The following PMF1 variants were observed in gnomAD, a reference collection of about 807,000 sequenced individuals.
PMF1 encodes the protein polyamine modulated factor 1, also known as polyamine-modulated factor 1.
In PMF1, 21 loss-of-function variants were observed where a neutral mutation model predicts 26.7. The observed-to-expected ratio is 0.79, with a 90% CI of 0.56 to 1.13. PMF1 has a LOEUF of 1.13. PMF1 is among the 50% of genes most tolerant of loss of function. The pLI is 0.00. For missense variants in PMF1, 266 were observed against 254.9 expected, an observed-to-expected ratio of 1.04 and a Z score of -0.30; for synonymous variants, 105 against 101.0, an observed-to-expected ratio of 1.04 and a Z score of -0.24.
intron 1 of PMF1, among the ~76,000 whole-genome samples, chr1:156,218,017 C>T (rs552890673): frequency 9.8e-5 from 15 of 152,322 alleles, no homozygotes; most frequent in Middle Eastern, 3.4e-3. Flanking sequence ...TCTTGTCTGC[C>T]ACCTTCTCAC....
At chr1:156,222,350 A>G (rs1022939197) in intron 1 of PMF1, among the ~76,000 whole-genome samples, 8 of 152,256 alleles carry the variant, frequency 5.3e-5, no homozygotes, top group African/African-American at 1.9e-4. Flanking sequence ...TTTCCAGAGA[A>G]AGGGCTCAAT....
intron 1 of PMF1, among the ~76,000 whole-genome samples, chr1:156,216,678 C>T (rs1657734088): frequency 6.6e-6 from 1 of 151,762 alleles, no homozygotes; most frequent in African/African-American, 2.4e-5. Flanking sequence ...GCTACCCTGC[C>T]CCCGTGCGCT....
chr1:156,239,739 A>T lies in PMF1; in HGVS notation c.*138A>T. 1 of 718,696 alleles carries T rather than the reference A, an allele frequency of 1.4e-6. No individual in the cohort carries two copies. The highest frequency in any genetic ancestry group is 1.7e-5 in the South Asian group (1 of 57,908). The allele number at this position is 718,696 out of a possible 1,614,324, so 44.5% of individuals were successfully genotyped here. On this transcript the variant is annotated 3_prime_UTR_variant, in exon 5 of 5. Coordinates refer to ENST00000368277, the MANE Select transcript of PMF1 (RefSeq NM_007221.4). ...CAGCAGTGATGGAATTTGCTGGAGG[A>T]CTAGGCCAGAGCAAGCCTCACTGCC... is the stretch of plus-strand genomic sequence containing the variant.
intron 1 of PMF1, among the ~76,000 whole-genome samples, chr1:156,232,058 GGAGTAATCTTCAAGA>G (rs1658740529): frequency 6.6e-6 from 1 of 152,210 alleles, no homozygotes; most frequent in African/African-American, 2.4e-5. Context: ...GAAGGAGTGA[GGAGTAATCTTCAAGA>G]GATAAACACT....
rs745764347 is a variant in PMF1 at position 156,225,582 on chromosome 1, A to C, written c.162-6738A>C. 4.5e-6 allele frequency: 7 copies of C among 1,557,956 alleles called. No individual in the cohort carries two copies. The African/African-American group carries it at 6.8e-5, about 15-fold the overall frequency. On this transcript the variant is annotated intron_variant, in intron 1 of 4. Transcript: ENST00000368277. Reference sequence around the variant, plus strand: ...CTCTCCACTCCTTCATTGGGACGGAAGTGCTGGTCCCCGCCTGCCCTCTGG... The same window carrying C: ...CTCTCCACTCCTTCATTGGGACGGACGTGCTGGTCCCCGCCTGCCCTCTGG...
intron 1 of PMF1, among the ~76,000 whole-genome samples, chr1:156,214,706 G>A (rs1455188162): frequency 1.3e-5 from 2 of 150,816 alleles, no homozygotes; most frequent in African/African-American, 4.9e-5. Flanking sequence ...CAGCCCCATT[G>A]CACTCCAGCC....
chr1:156,231,290 GGAGGCT>G (rs1658692081), intron 1 of PMF1, among the ~76,000 whole-genome samples: 1 of 151,778 alleles, frequency 6.6e-6, no homozygotes, highest in Non-Finnish European at 1.5e-5. Flanking sequence ...TAGCTACTCA[GGAGGCT>G]GAGGCAAGAG....
rs1659236574 is a variant in PMF1, at chr1:156,239,659, A to G, written c.*58A>G. 6.2e-6 allele frequency: 9 copies of G among 1,451,998 alleles called. No individual in the cohort carries two copies. Among genetic ancestry groups the G allele is most frequent in the Non-Finnish European group, 7.7e-6 (8 of 1,035,656 alleles). 89.9% of individuals were successfully genotyped at this position (1,451,998 alleles called of 1,614,324 possible). On this transcript the variant is annotated 3_prime_UTR_variant, in exon 5 of 5. Coordinates refer to ENST00000368277, the MANE Select transcript of PMF1 (RefSeq NM_007221.4). ...CAAGGTCAAGAGCCTGTGGTCCAGC[A>G]TGCCTGGCCTGGGCGGGCTACCTCT...
At chr1:156,221,113 T>G (rs555826821) in intron 1 of PMF1, among the ~76,000 whole-genome samples, 54 of 152,306 alleles carry the variant, frequency 3.5e-4, no homozygotes, top group Middle Eastern at 3.4e-3. Context: ...TCTCTTGTCC[T>G]TTAAACGTGT....
chr1:156,213,092 T>C lies in PMF1; in HGVS notation c.77T>C (p.Val26Ala). Reference sequence around the variant, plus strand: ...CATGAGGGGTCGTCTTCGGAATCTGTGCCACCCGGCACTACCATTTCGAGG... The same window carrying C: ...CATGAGGGGTCGTCTTCGGAATCTGCGCCACCCGGCACTACCATTTCGAGG... Reference protein sequence around the residue: ...KRHEGSSSESVPPGTTISRVK... With the variant: ...KRHEGSSSESAPPGTTISRVK... Residue 26 changes from valine to alanine, a missense_variant, in exon 1 of 5, where the codon GTG becomes GCG. Val to Ala is a moderately conservative substitution (Grantham distance 64). Coordinates refer to ENST00000368277, the MANE Select transcript of PMF1 (RefSeq NM_007221.4). 1 of 1,614,230 alleles carries C rather than the reference T, an allele frequency of 6.2e-7. No homozygotes were observed. The highest frequency in any genetic ancestry group is 8.5e-7 in the Non-Finnish European group (1 of 1,180,026).
Position 156,237,446 on chromosome 1 carries a change from C to CTTTTTTTTT in PMF1, c.564+974_564+982dup, listed in dbSNP as rs33952725. 1.6e-5 allele frequency among the ~76,000 whole-genome samples: 2 copies of CTTTTTTTTT among 123,384 alleles called. 1 individual carries two copies. 80.9% of individuals were successfully genotyped at this position (123,384 alleles called of 152,430 possible). A position where few individuals can be genotyped will look rare whatever the true frequency, so the allele number is the denominator to read the frequency against. On this transcript the variant is annotated intron_variant, in intron 4 of 4. Transcript: ENST00000368277. The stretch of plus-strand genomic sequence containing the variant: ...TCCTCACCAGCATGTTATTTTTTGT[C>CTTTTTTTTT]TTTTTTTTTTTTTTTTTTTAGACAG...
At chr1:156,223,627 C>T (rs1045326986) in intron 1 of PMF1, 1 of 152,090 alleles carries the variant, frequency 6.6e-6, no homozygotes, top group Non-Finnish European at 1.5e-5. Flanking sequence ...CCTCAGTTTC[C>T]TATTATTACT....
At chr1:156,226,654 T>C (rs958479766) in intron 1 of PMF1, among the ~76,000 whole-genome samples, 3 of 152,246 alleles carry the variant, frequency 2.0e-5, no homozygotes, top group African/African-American at 7.2e-5. Flanking sequence ...TTTATATATT[T>C]TACCTCACTT....
At chr1:156,214,859 GATTATTATTATT>G (rs1199555277) in intron 1 of PMF1, among the ~76,000 whole-genome samples, 2 of 149,386 alleles carry the variant, frequency 1.3e-5, no homozygotes, top group African/African-American at 5.0e-5. Flanking sequence ...GAAGGAACCA[GATTATTATTATT>G]ATTATTATTA....
intron 4 of PMF1, among the ~76,000 whole-genome samples, chr1:156,237,809 T>C (rs564356640): frequency 2.0e-5 from 3 of 152,200 alleles, no homozygotes; most frequent in Admixed American, 2.0e-4. Context: ...CAGGCTGGAG[T>C]GCAGTGACAT....
chr1:156,231,821 C>T (rs1024191768), intron 1 of PMF1, among the ~76,000 whole-genome samples: 1 of 152,202 alleles, frequency 6.6e-6, no homozygotes, highest in African/African-American at 2.4e-5. Context: ...CAGGCCAGGG[C>T]CCCCATGGTT....
At position 156,236,738 on chromosome 1, in the gene PMF1, C is replaced by G. The variant is rs530668910; in HGVS notation, c.564+255C>G. On this transcript the variant is annotated intron_variant, in intron 4 of 4. Transcript: ENST00000368277. ...CTGATGGAGCAGGTGAGGACCCAGGCCCAGAGAGGGCAGGTGAGTCACCCA... is the reference window on the plus strand; with the variant it reads ...CTGATGGAGCAGGTGAGGACCCAGGGCCAGAGAGGGCAGGTGAGTCACCCA... 34 of 530,654 alleles carry G rather than the reference C, an allele frequency of 6.4e-5. No individual in the cohort carries two copies. The Admixed American group carries it at 1.1e-3, about 17-fold the overall frequency. The allele number at this position is 530,654 out of a possible 1,614,324, so 32.9% of individuals were successfully genotyped here.
At chr1:156,226,477 T>A (rs1658377439) in intron 1 of PMF1, among the ~76,000 whole-genome samples, 1 of 152,246 alleles carries the variant, frequency 6.6e-6, no homozygotes, top group East Asian at 1.9e-4. Context: ...ACAAGCCTCA[T>A]TCACTAGCAC....
intron 1 of PMF1, among the ~76,000 whole-genome samples, chr1:156,215,353 G>C (rs2103071637): frequency 6.6e-6 from 1 of 152,060 alleles, no homozygotes; most frequent in South Asian, 2.1e-4. Context: ...TATCATGCAG[G>C]GCCTAGTTTG....
Sources: gnomAD v4.1 joint callset for allele counts (sites outside exome capture counted in the v4.1 genomes callset) on GRCh38, gnomAD v4.1.1 for gene constraint, MANE v1.5 for transcripts, NCBI Gene and HGNC (gene_info 2026-07-23, HGNC 2026-07-21) for gene names.